Variants in ASTN2 observed in about 807,000 individuals in gnomAD.
The protein encoded by ASTN2 is astrotactin-2.
ASTN2 carries 54 observed loss-of-function variants against 139.8 expected under a neutral mutation model. The observed-to-expected ratio is 0.39, with a 90% CI of 0.31 to 0.48. ASTN2 has a LOEUF of 0.48. ASTN2 is among the 20% of genes least tolerant of loss of function. ASTN2 has a pLI of 0.95. For missense variants in ASTN2, 1,565 were observed against 1,725.1 expected, an observed-to-expected ratio of 0.91 and a Z score of 1.64; for synonymous variants, 756 against 719.5, an observed-to-expected ratio of 1.05 and a Z score of -0.81.
intron 4 of ASTN2, among the ~76,000 whole-genome samples, chr9:117,140,989 G>A (rs994057643): frequency 2.6e-5 from 4 of 152,138 alleles, no homozygotes; most frequent in African/African-American, 9.7e-5. Flanking sequence ...AGAATGTTCT[G>A]CCACTTTGTA....
At chr9:116,825,893 G>A (rs1831610074) in intron 11 of ASTN2, among the ~76,000 whole-genome samples, 2 of 152,208 alleles carry the variant, frequency 1.3e-5, no homozygotes, top group Non-Finnish European at 2.9e-5. Context: ...CCAAAATACT[G>A]GGGATCTACA....
chr9:116,573,166 T>C (rs1437688312), intron 19 of ASTN2, among the ~76,000 whole-genome samples: 1 of 152,254 alleles, frequency 6.6e-6, no homozygotes, highest in African/African-American at 2.4e-5. Context: ...CACCATTTTA[T>C]GCAAAAACAT....
intron 19 of ASTN2, chr9:116,583,230 A>C (rs1854021293): frequency 6.6e-6 from 1 of 152,218 alleles, no homozygotes; most frequent in Non-Finnish European, 1.5e-5. Context: ...AACCAGGAAC[A>C]TCTGCTTCTG....
At chr9:116,591,429 C>T (rs1854374750) in intron 19 of ASTN2, among the ~76,000 whole-genome samples, 1 of 152,228 alleles carries the variant, frequency 6.6e-6, no homozygotes, top group African/African-American at 2.4e-5. Flanking sequence ...CCATGGCTGG[C>T]TTGCCCTTGG....
At chr9:117,310,094 A>C (rs1441521722) in intron 1 of ASTN2, among the ~76,000 whole-genome samples, 1 of 152,198 alleles carries the variant, frequency 6.6e-6, no homozygotes, top group East Asian at 1.9e-4. Flanking sequence ...TCTCTGAGCC[A>C]AACATATATG....
intron 1 of ASTN2, among the ~76,000 whole-genome samples, chr9:117,354,093 T>C (rs1305854272): frequency 6.6e-6 from 1 of 152,098 alleles, no homozygotes; most frequent in African/African-American, 2.4e-5. Flanking sequence ...AAAGTACTAC[T>C]CTGGTGGGAA....
At chr9:116,810,573 G>C (rs1343769023) in intron 12 of ASTN2, among the ~76,000 whole-genome samples, 1 of 152,124 alleles carries the variant, frequency 6.6e-6, no homozygotes, top group Non-Finnish European at 1.5e-5. Context: ...TTACTGACTT[G>C]AGAAAAGCTG....
rs7849920 is a variant in ASTN2, at chr9:116,647,556, T to C, written c.3072+3972A>G. Among the ~76,000 whole-genome samples, 748 of 152,300 alleles carry C rather than the reference T, an allele frequency of 4.9e-3. 5 individuals carry two copies. Among genetic ancestry groups the C allele is most frequent in the African/African-American group, 0.017 (723 of 41,564 alleles). On this transcript the variant is annotated intron_variant, in intron 17 of 22. Transcript: ENST00000313400. ...TCCAGACATAGGGGAATCTGGCTCCTGCACAAACAGGAAAGGCACCACCAG... is the reference window on the plus strand; with the variant it reads ...TCCAGACATAGGGGAATCTGGCTCCCGCACAAACAGGAAAGGCACCACCAG...
At chr9:116,895,626 C>A (rs938488220) in intron 10 of ASTN2, among the ~76,000 whole-genome samples, 2 of 152,196 alleles carry the variant, frequency 1.3e-5, no homozygotes, top group Non-Finnish European at 2.9e-5. Flanking sequence ...TCTGCAGAAT[C>A]AAATTCTCCT....
chr9:117,064,623 G>C (rs1827875724), intron 5 of ASTN2, among the ~76,000 whole-genome samples: 1 of 152,278 alleles, frequency 6.6e-6, no homozygotes, highest in Admixed American at 6.5e-5. Context: ...GACATATAGA[G>C]TGGAATAATA....
intron 19 of ASTN2, among the ~76,000 whole-genome samples, chr9:116,592,277 C>T (rs1027031776): frequency 3.3e-5 from 5 of 152,038 alleles, no homozygotes; most frequent in African/African-American, 7.3e-5. Context: ...AGCCATGAAG[C>T]GTGGCTGAGG....
chr9:116,527,720 G>A (rs1364021351), intron 19 of ASTN2, among the ~76,000 whole-genome samples: 1 of 152,110 alleles, frequency 6.6e-6, no homozygotes, highest in Non-Finnish European at 1.5e-5. Flanking sequence ...GTGTTGGGGA[G>A]GGGTTTGATG....
chr9:116,788,819 C>T (rs1830449614), intron 13 of ASTN2, among the ~76,000 whole-genome samples: 1 of 152,046 alleles, frequency 6.6e-6, no homozygotes, highest in African/African-American at 2.4e-5. Context: ...TTGAACACAG[C>T]CTTAGATAAT....
At position 117,099,560 on chromosome 9, in the gene ASTN2, T is replaced by C. The variant is rs569988512; in HGVS notation, c.1169-3409A>G. Among the ~76,000 whole-genome samples, 5 of 152,338 alleles carry C rather than the reference T, an allele frequency of 3.3e-5. No homozygotes were observed. In the South Asian group the frequency reaches 1.0e-3, roughly 32 times the overall value. On this transcript the variant is annotated intron_variant, in intron 4 of 22. Coordinates refer to ENST00000313400, the MANE Select transcript of ASTN2 (RefSeq NM_001365068.1). The stretch of plus-strand genomic sequence containing the variant: ...GCGAACACTTGCATAGTGCAGTATC[T>C]CTTCCAGGCACTATTCTAAAGCCTT...
At chr9:116,609,879 T>C (rs1188017490) in intron 19 of ASTN2, among the ~76,000 whole-genome samples, 1 of 152,148 alleles carries the variant, frequency 6.6e-6, no homozygotes, top group Non-Finnish European at 1.5e-5. Flanking sequence ...GAAATAGTAT[T>C]ATATCACTTG....
intron 6 of ASTN2, among the ~76,000 whole-genome samples, chr9:117,032,871 G>T (rs1032000656): frequency 6.6e-6 from 1 of 152,148 alleles, no homozygotes; most frequent in African/African-American, 2.4e-5. Flanking sequence ...AAATATCTCA[G>T]TCATAGGGAA....
chr9:116,805,219 G>A (rs545490624), intron 13 of ASTN2, among the ~76,000 whole-genome samples: 17 of 151,574 alleles, frequency 1.1e-4, no homozygotes, highest in African/African-American at 3.1e-4. Flanking sequence ...GTTAATTCTA[G>A]GTATTTCTGG....
At chr9:116,759,697 A>G (rs1247764235) in intron 13 of ASTN2, among the ~76,000 whole-genome samples, 1 of 152,080 alleles carries the variant, frequency 6.6e-6, no homozygotes, top group East Asian at 1.9e-4. Context: ...CCAATTCCTT[A>G]TCCTTCTTTA....
At chr9:116,718,666 G>A (rs1384410334) in intron 16 of ASTN2, among the ~76,000 whole-genome samples, 2 of 152,008 alleles carry the variant, frequency 1.3e-5, no homozygotes, top group Admixed American at 6.6e-5. Flanking sequence ...AGAACCAAAA[G>A]GTTGACCCTC....
Sources: allele counts gnomAD v4.1 joint callset (sites outside exome capture counted in the v4.1 genomes callset), GRCh38; gene constraint gnomAD v4.1.1; transcripts MANE v1.5; gene names NCBI Gene and HGNC (gene_info 2026-07-23, HGNC 2026-07-21).